The following KCNH1 variants were observed in gnomAD, a reference collection of about 807,000 sequenced individuals.
KCNH1 encodes the protein potassium voltage-gated channel subfamily H member 1, also known as voltage-gated delayed rectifier potassium channel KCNH1.
A neutral mutation model predicts 69.2 loss-of-function variants in KCNH1; 27 were observed. The ratio of observed to expected loss-of-function variants is 0.39; its 90% CI spans 0.29 to 0.54. KCNH1 has a LOEUF of 0.54. KCNH1 is among the 20% of genes least tolerant of loss of function. The pLI is 0.68. For synonymous variants in KCNH1, 456 were observed against 487.7 expected, an observed-to-expected ratio of 0.93 and a Z score of 0.86; for missense variants, 798 against 1,261.6, an observed-to-expected ratio of 0.63 and a Z score of 5.57.
At chr1:210,916,775 G>A (rs1281124721) in intron 7 of KCNH1, among the ~76,000 whole-genome samples, 1 of 152,190 alleles carries the variant, frequency 6.6e-6, no homozygotes, top group Non-Finnish European at 1.5e-5. Context: ...AGGAAATGGT[G>A]TTAAGTGGAC....
intron 7 of KCNH1, among the ~76,000 whole-genome samples, chr1:210,833,773 A>G (rs367698725): frequency 4.6e-5 from 7 of 152,220 alleles, no homozygotes; most frequent in Non-Finnish European, 8.8e-5. Flanking sequence ...GAAAATTTTC[A>G]CAACCTACTC....
rs1271338136 is a variant in KCNH1 at position 210,948,171 on chromosome 1, T to C, written c.1033-28102A>G. On this transcript the variant is annotated intron_variant, in intron 6 of 10. Coordinates refer to ENST00000271751, the MANE Select transcript of KCNH1 (RefSeq NM_172362.3). Reference sequence around the variant, plus strand: ...AGTTCAAGGCTGCAGTGAGCTGTGATACTCTAGCAACAGAGTAAGACCCTG... The same window carrying C: ...AGTTCAAGGCTGCAGTGAGCTGTGACACTCTAGCAACAGAGTAAGACCCTG... 1.2e-4 allele frequency among the ~76,000 whole-genome samples: 18 copies of C among 150,192 alleles called. 1 individual carries two copies. The South Asian group carries it at 3.4e-3, about 28-fold the overall frequency.
chr1:210,851,983 G>C (rs1685717351), intron 7 of KCNH1, among the ~76,000 whole-genome samples: 1 of 152,192 alleles, frequency 6.6e-6, no homozygotes, highest in Non-Finnish European at 1.5e-5. Flanking sequence ...CTTGGCCTTT[G>C]CCCCCACACA....
chr1:210,751,275 C>A (rs1683278205), intron 10 of KCNH1, among the ~76,000 whole-genome samples: 1 of 152,152 alleles, frequency 6.6e-6, no homozygotes, highest in African/African-American at 2.4e-5. Flanking sequence ...GCTCAGAAAT[C>A]ACATTGATGA....
At chr1:211,102,613 C>T (rs779467813) in intron 3 of KCNH1, among the ~76,000 whole-genome samples, 16 of 152,102 alleles carry the variant, frequency 1.1e-4, no homozygotes, top group Admixed American at 7.9e-4. Flanking sequence ...ACTCCAATAC[C>T]GCAGACCTGA....
chr1:211,068,378 A>C (rs929585814), intron 5 of KCNH1, among the ~76,000 whole-genome samples: 3 of 152,194 alleles, frequency 2.0e-5, no homozygotes, highest in African/African-American at 7.2e-5. Context: ...TAAAAAGCTG[A>C]ACAATCTGAA....
chr1:210,877,254 A>G (rs1175596311), intron 7 of KCNH1, among the ~76,000 whole-genome samples: 2 of 152,154 alleles, frequency 1.3e-5, no homozygotes, highest in Non-Finnish European at 2.9e-5. Flanking sequence ...GGAATAGAGC[A>G]GGGACGTAAG....
At chr1:211,060,039 T>C (rs1690402770) in intron 5 of KCNH1, among the ~76,000 whole-genome samples, 1 of 152,136 alleles carries the variant, frequency 6.6e-6, no homozygotes, top group South Asian at 2.1e-4. Flanking sequence ...GTATCTTCTC[T>C]GATCACAAGA....
chr1:211,094,437 T>C (rs969467651), intron 3 of KCNH1, among the ~76,000 whole-genome samples: 2 of 152,162 alleles, frequency 1.3e-5, no homozygotes, highest in Admixed American at 1.3e-4. Context: ...TCTCTCTCGA[T>C]TGGTTCTGAT....
intron 7 of KCNH1, among the ~76,000 whole-genome samples, chr1:210,822,009 T>C (rs1328712647): frequency 6.6e-6 from 1 of 151,828 alleles, no homozygotes; most frequent in Non-Finnish European, 1.5e-5. Flanking sequence ...GCTCTATCTC[T>C]TCATTTATTT....
chr1:210,710,900 G>A (rs968824550), intron 10 of KCNH1, among the ~76,000 whole-genome samples: 5 of 152,170 alleles, frequency 3.3e-5, no homozygotes, highest in Admixed American at 3.3e-4. Context: ...ACAGCAAACA[G>A]AGGACAATTA....
At chr1:211,006,510 A>G (rs887067865) in intron 6 of KCNH1, among the ~76,000 whole-genome samples, 1 of 152,212 alleles carries the variant, frequency 6.6e-6, no homozygotes, top group Non-Finnish European at 1.5e-5. Context: ...TAAAAACTCT[A>G]GCGTTAGAAA....
chr1:210,889,389 T>C (rs889831497), intron 7 of KCNH1, among the ~76,000 whole-genome samples: 9 of 152,216 alleles, frequency 5.9e-5, no homozygotes, highest in Non-Finnish European at 8.8e-5. Flanking sequence ...AAACTAGGTA[T>C]TGACGGAACG....
chr1:210,940,387 G>C (rs1026590925), intron 6 of KCNH1, among the ~76,000 whole-genome samples: 3 of 152,154 alleles, frequency 2.0e-5, no homozygotes, highest in Non-Finnish European at 2.9e-5. Flanking sequence ...AAGACCTGTG[G>C]GTGTGCATCA....
intron 6 of KCNH1, among the ~76,000 whole-genome samples, chr1:210,940,592 T>C (rs181134959): frequency 4.9e-4 from 75 of 152,336 alleles, no homozygotes; most frequent in African/African-American, 1.8e-3. Context: ...AATTTACAAA[T>C]GTTGCTTAAA....
intron 7 of KCNH1, among the ~76,000 whole-genome samples, chr1:210,867,356 CACACACATAT>C (rs753246652): frequency 3.9e-4 from 55 of 142,382 alleles, no homozygotes; most frequent in Non-Finnish European, 5.4e-4. Flanking sequence ...CACACACACA[CACACACATAT>C]ATATATATAT....
chr1:210,847,411 T>C (rs1019554935), intron 7 of KCNH1, among the ~76,000 whole-genome samples: 10 of 152,142 alleles, frequency 6.6e-5, no homozygotes, highest in Non-Finnish European at 7.3e-5. Context: ...TAAAAAATGA[T>C]GAGTTCATGT....
intron 6 of KCNH1, among the ~76,000 whole-genome samples, chr1:210,989,199 C>G (rs1013129784): frequency 6.6e-6 from 1 of 152,226 alleles, no homozygotes; most frequent in Non-Finnish European, 1.5e-5. Flanking sequence ...CTGCTCCACA[C>G]AAGGATCACC....
intron 8 of KCNH1, among the ~76,000 whole-genome samples, chr1:210,803,177 G>A (rs1684463484): frequency 1.3e-5 from 2 of 152,074 alleles, no homozygotes; most frequent in South Asian, 2.1e-4. Context: ...ATCTTGGCTC[G>A]CTGCAGCCTC....
Sources: gnomAD v4.1 joint callset for allele counts (sites outside exome capture counted in the v4.1 genomes callset) on GRCh38, gnomAD v4.1.1 for gene constraint, MANE v1.5 for transcripts, NCBI Gene and HGNC (gene_info 2026-07-23, HGNC 2026-07-21) for gene names.